PTPRM: variants seen among roughly 807,000 people sequenced by gnomAD.
The protein encoded by PTPRM is protein tyrosine phosphatase receptor type M.
A neutral mutation model predicts 186.7 loss-of-function variants in PTPRM; 47 were observed. The observed-to-expected ratio is 0.25, with a 90% CI of 0.20 to 0.32. The LOEUF (loss-of-function observed/expected upper bound fraction) is 0.32, where lower values mean the gene tolerates loss of function less well. Among genes scored for constraint, PTPRM ranks in the 10% least tolerant of loss-of-function variants. The pLI is 1.00. For synonymous variants in PTPRM, 668 were observed against 674.9 expected (o/e 0.99, Z 0.16); for missense variants, 1,494 against 1,865.0 (o/e 0.80, Z 3.66).
intron 7 of PTPRM, among the ~76,000 whole-genome samples, chr18:8,064,465 G>A (rs2088893726): frequency 6.6e-6 from 1 of 151,822 alleles, no homozygotes; most frequent in Admixed American, 6.6e-5. Context: ...ATATAGGATT[G>A]TATGATTTTT....
chr18:7,809,507 T>G (rs543277579), intron 2 of PTPRM, among the ~76,000 whole-genome samples: 1 of 152,054 alleles, frequency 6.6e-6, no homozygotes, highest in Non-Finnish European at 1.5e-5. Flanking sequence ...CACTGTCATG[T>G]GTTGCCCTTT....
chr18:8,258,725 T>G (rs1205774479), intron 19 of PTPRM, among the ~76,000 whole-genome samples: 4 of 152,172 alleles, frequency 2.6e-5, no homozygotes, highest in Non-Finnish European at 5.9e-5. Flanking sequence ...TGAAGGCTAC[T>G]TCCAGAGAGG....
chr18:8,238,658 T>TTTTTG (rs1568578121), intron 14 of PTPRM, among the ~76,000 whole-genome samples: 25 of 129,346 alleles, frequency 1.9e-4, no homozygotes, highest in African/African-American at 6.8e-4. Context: ...TGTGTTTTTT[T>TTTTTG]TTTTTTTTTT....
chr18:7,698,977 C>T (rs915408607), intron 1 of PTPRM, among the ~76,000 whole-genome samples: 2 of 152,208 alleles, frequency 1.3e-5, no homozygotes, highest in African/African-American at 4.8e-5. Context: ...GGGACCAGTA[C>T]CAGTCCTTGG....
At chr18:8,037,304 T>C (rs1159344268) in intron 7 of PTPRM, among the ~76,000 whole-genome samples, 2 of 152,162 alleles carry the variant, frequency 1.3e-5, no homozygotes, top group Non-Finnish European at 2.9e-5. Context: ...TCTTATATCT[T>C]TACTAAATTC....
At chr18:8,238,990 T>TTA (rs1187439660) in intron 14 of PTPRM, among the ~76,000 whole-genome samples, 4 of 135,494 alleles carry the variant, frequency 3.0e-5, no homozygotes, top group African/African-American at 1.1e-4. Context: ...TTTTTTTTTT[T>TTA]AATTTAATTT....
In PTPRM at chr18:8,243,543, A is replaced by G. The variant is rs188338584; in HGVS notation, c.2301-515A>G. ...CTGCTCCCTGTATGAACATACTCCA[A>G]TTATACGTTCTTGACTCCTCACCTA... On this transcript the variant is annotated intron_variant, in intron 14 of 32. Transcript: ENST00000580170. 6.6e-5 allele frequency among the ~76,000 whole-genome samples: 10 copies of G among 152,316 alleles called. No homozygotes were observed. The East Asian group carries it at 1.2e-3, about 18-fold the overall frequency.
chr18:8,048,697 C>A (rs2087246574), intron 7 of PTPRM, among the ~76,000 whole-genome samples: 1 of 151,924 alleles, frequency 6.6e-6, no homozygotes, highest in African/African-American at 2.4e-5. Context: ...GACTTGTAAA[C>A]AACTTCAAAT....
intron 7 of PTPRM, among the ~76,000 whole-genome samples, chr18:7,984,946 TAC>T (rs2082804590): frequency 8.3e-6 from 1 of 120,278 alleles, no homozygotes; most frequent in African/African-American, 3.4e-5. Flanking sequence ...TACATATATA[TAC>T]ATATATAATT....
Position 7,926,601 on chromosome 18 carries a change from T to C in PTPRM, c.581T>C (p.Val194Ala), listed in dbSNP as rs2051185984. Reference protein sequence around the residue: ...RTPHFLRIQNVEVNAGQFATF... With the variant: ...RTPHFLRIQNAEVNAGQFATF... Reference sequence around the variant, plus strand: ...CCTCACTTCCTGCGGATTCAGAATGTGGAAGTTAATGCTGGCCAGTTTGCT... The same window carrying C: ...CCTCACTTCCTGCGGATTCAGAATGCGGAAGTTAATGCTGGCCAGTTTGCT... The change falls in exon 5 of 33, where the codon GTG (valine) becomes GCG (alanine). Residue 194 changes from valine (V) to alanine (A), a missense_variant. By Grantham distance (64) the Val-to-Ala change is moderately conservative. Coordinates refer to ENST00000580170, the MANE Select transcript of PTPRM (RefSeq NM_001105244.2). 3 of 1,613,656 alleles carry C rather than the reference T, an allele frequency of 1.9e-6. No individual in the cohort carries two copies. The highest frequency in any genetic ancestry group is 1.3e-5 in the African/African-American group (1 of 75,044).
intron 1 of PTPRM, among the ~76,000 whole-genome samples, chr18:7,598,804 G>A (rs1353512744): frequency 2.1e-5 from 3 of 142,446 alleles, no homozygotes; most frequent in Admixed American, 7.1e-5. Flanking sequence ...TTTTTTTAAG[G>A]CAACAGAATA....
At chr18:7,883,861 G>C (rs1280636010) in intron 2 of PTPRM, among the ~76,000 whole-genome samples, 1 of 152,230 alleles carries the variant, frequency 6.6e-6, no homozygotes, top group Non-Finnish European at 1.5e-5. Flanking sequence ...AAGAATTCCA[G>C]CTGGGCACAG....
intron 19 of PTPRM, among the ~76,000 whole-genome samples, chr18:8,272,296 ATTTCT>A (rs2094782676): frequency 6.6e-6 from 1 of 151,610 alleles, no homozygotes; most frequent in South Asian, 2.1e-4. Flanking sequence ...TTTTTTAAAA[ATTTCT>A]TTTAATACTG....
chr18:8,035,976 A>AG lies in PTPRM; in HGVS notation c.1133-33709dup, dbSNP rs1177213844. ...CAGTGTATATCTTACTGAGTATCTT[A>AG]GAGCACCTATGCCTCAGTAAGAATG... On this transcript the variant is annotated intron_variant, in intron 7 of 32. Coordinates refer to ENST00000580170, the MANE Select transcript of PTPRM (RefSeq NM_001105244.2). Among the ~76,000 whole-genome samples, 21 of 152,348 alleles carry AG rather than the reference A, an allele frequency of 1.4e-4. No homozygotes were observed. In the South Asian group the frequency reaches 3.9e-3, roughly 29 times the overall value.
chr18:8,260,085 G>T (rs1477960232), intron 19 of PTPRM, among the ~76,000 whole-genome samples: 3 of 152,168 alleles, frequency 2.0e-5, no homozygotes, highest in Admixed American at 6.5e-5. Flanking sequence ...GAGAAGCATG[G>T]CACTGCCTTC....
At chr18:7,992,780 C>G (rs1317594496) in intron 7 of PTPRM, among the ~76,000 whole-genome samples, 1 of 151,842 alleles carries the variant, frequency 6.6e-6, no homozygotes, top group Non-Finnish European at 1.5e-5. Context: ...GAAAACATCA[C>G]CAACCTTCAA....
At chr18:8,257,001 A>G (rs546401213) in intron 19 of PTPRM, among the ~76,000 whole-genome samples, 1 of 152,270 alleles carries the variant, frequency 6.6e-6, no homozygotes, top group African/African-American at 2.4e-5. Context: ...CAGAGAGGAG[A>G]ACTGCTTCTC....
At chr18:7,718,902 G>T (rs1316325486) in intron 1 of PTPRM, among the ~76,000 whole-genome samples, 1 of 152,148 alleles carries the variant, frequency 6.6e-6, no homozygotes, top group Non-Finnish European at 1.5e-5. Context: ...AATAATAGAT[G>T]TTGGTATGGT....
chr18:7,826,261 T>C (rs544025620), intron 2 of PTPRM, among the ~76,000 whole-genome samples: 8 of 152,364 alleles, frequency 5.3e-5, no homozygotes, highest in South Asian at 2.1e-4. Flanking sequence ...ATAAAACTTA[T>C]ATATGATGAA....
Sources: allele counts gnomAD v4.1 joint callset (sites outside exome capture counted in the v4.1 genomes callset), GRCh38; gene constraint gnomAD v4.1.1; transcripts MANE v1.5; gene names NCBI Gene and HGNC (gene_info 2026-07-23, HGNC 2026-07-21).